Variants in PCARE observed in about 807,000 individuals in gnomAD.
The protein encoded by PCARE is uncharacterized protein C2orf71.
In PCARE, 72 loss-of-function variants were observed where a neutral mutation model predicts 82.2. The observed-to-expected ratio is 0.88, with a 90% CI of 0.72 to 1.07. The LOEUF is 1.07. Among genes scored for constraint, PCARE ranks in the 50% least tolerant of loss-of-function variants. PCARE has a pLI of 0.00. For synonymous variants in PCARE, 705 were observed against 634.8 expected (o/e 1.11, Z -1.66); for missense variants, 1,768 against 1,592.4 (o/e 1.11, Z -1.88).
In PCARE at chr2:29,071,856, T is replaced by C. The variant is rs375771666; in HGVS notation, c.2406A>G (p.Ala802=). The C allele has an allele frequency of 3.9e-4, 629 of 1,614,222 alleles. 5 individuals are homozygous for C. In the South Asian group the frequency reaches 6.6e-3, roughly 17 times the overall value. The change falls in exon 1 of 2, where the codon GCA becomes GCG. Residue 802 remains alanine, a synonymous_variant. Transcript: ENST00000331664. ...CTTTAGGCAGAGGGGGAAAGATAGG[T>C]GCTAAGGGCTTCCAGCCTATGCCCA... ...LKMGIGWKPL[A]PIFPPLPKAE... is the part of the protein sequence containing the mutation.
rs1667506714 is a variant in PCARE, at chr2:29,072,381, A to G, written c.1881T>C (p.Tyr627=). 6.2e-7 allele frequency: 1 copy of G among 1,614,030 alleles called. No homozygotes were observed. The highest frequency in any genetic ancestry group is 1.3e-5 in the African/African-American group (1 of 74,928). Residue 627 remains tyrosine (Y), a synonymous_variant, in exon 1 of 2, where the codon TAT becomes TAC. Coordinates refer to ENST00000331664, the MANE Select transcript of PCARE (RefSeq NM_001029883.3). ...RDLSQKLEAF[Y]ALGAKGQGQS... ...GCCCCTGCCCTTTGGCACCCAGGGC[A>G]TAAAATGCCTCCAGCTTCTGACTGA...
Position 29,073,731 on chromosome 2 carries a change from C to CG in PCARE, c.530dup (p.Glu178GlyfsTer22). On this transcript the variant is annotated frameshift_variant, in exon 1 of 2. Transcript: ENST00000331664. LOFTEE classifies it high-confidence loss of function. ...GCTGGTGGGCCTTTACCAGAGGCTC[C>CG]GGGAAGTCCACTTTGCCTTCAGGCT... 6.2e-7 allele frequency: 1 copy of CG among 1,614,144 alleles called. No homozygotes were observed. Among genetic ancestry groups the CG allele is most frequent in the Non-Finnish European group, 8.5e-7 (1 of 1,180,034 alleles).
In PCARE at chr2:29,071,616, C is replaced by A; in HGVS notation, c.2646G>T (p.Leu882=). The A allele has an allele frequency of 2.5e-6, 4 of 1,613,436 alleles. No individual in the cohort carries two copies. The highest frequency in any genetic ancestry group is 1.3e-5 in the African/African-American group (1 of 75,054). ...AGTCCAGGGGGCTCACAGAGGCCCT[C>A]AGCTTTGGGGAAGCCCATGTTCTCC... ...PTRRTWASPK[L]RASVSPLDLL... Residue 882 remains leucine, a synonymous_variant, in exon 1 of 2, where the codon CTG becomes CTT. Coordinates refer to ENST00000331664, the MANE Select transcript of PCARE (RefSeq NM_001029883.3).
At position 29,070,649 on chromosome 2, in the gene PCARE, G is replaced by A. The variant is rs758885470; in HGVS notation, c.3613C>T (p.Pro1205Ser). 9 of 1,613,984 alleles carry A rather than the reference G, an allele frequency of 5.6e-6. No homozygotes were observed. The highest frequency in any genetic ancestry group is 2.2e-5 in the South Asian group (2 of 91,092). Reference sequence around the variant, plus strand: ...GTGCTGGTGGGGTCCAAGGTGGGAGGCTGCGGTCGGCCACCTGGCTGGCGG... The same window carrying A: ...GTGCTGGTGGGGTCCAAGGTGGGAGACTGCGGTCGGCCACCTGGCTGGCGG... Reference protein sequence around the residue: ...SDRQPGGRPQPPTLDPTSTSY... With the variant: ...SDRQPGGRPQSPTLDPTSTSY... The change falls in exon 1 of 2, where the codon CCT (proline) becomes TCT (serine). Residue 1205 changes from proline to serine, a missense_variant. Physicochemically the swap from Pro to Ser is moderately conservative, Grantham distance 74 (BLOSUM62 -1). Coordinates refer to ENST00000331664, the MANE Select transcript of PCARE (RefSeq NM_001029883.3).
Position 29,063,639 on chromosome 2 carries a change from A to G in PCARE, c.*1230T>C, listed in dbSNP as rs984645398. ...CTTTGCTGTACCCCAGTGGGTAAGA[A>G]TTCTTGTCTTTTGCCAACCCATTGA... On this transcript the variant is annotated 3_prime_UTR_variant, in exon 2 of 2. Coordinates refer to ENST00000331664, the MANE Select transcript of PCARE (RefSeq NM_001029883.3). The G allele has an allele frequency of 3.9e-5, 6 of 152,638 alleles. No individual in the cohort carries two copies. In the South Asian group the frequency reaches 1.2e-3, roughly 32 times the overall value. The allele number at this position is 152,638 out of a possible 1,614,324, so 9.5% of individuals were successfully genotyped here. A position where few individuals can be genotyped will look rare whatever the true frequency, so the allele number is the denominator to read the frequency against.
chr2:29,065,038 G>T lies in PCARE; in HGVS notation c.3698C>A (p.Thr1233Lys). 6.4e-7 allele frequency: 1 copy of T among 1,551,552 alleles called. No homozygotes were observed. The highest frequency in any genetic ancestry group is 8.7e-7 in the Non-Finnish European group (1 of 1,147,938). Residue 1233 changes from threonine to lysine, a missense_variant, in exon 2 of 2, where the codon ACA becomes AAA. Transcript: ENST00000331664. ...SSSEESPKKDTEPGSSPCSPE... is the reference protein window; with the variant it reads ...SSSEESPKKDKEPGSSPCSPE... ...GGAACAGGGGCTGCTCCCCGGCTCT[G>T]TGTCCTTCTTAGGGCTCTCCTCGCT...
chr2:29,072,514 C>T lies in PCARE; in HGVS notation c.1748G>A (p.Gly583Asp), dbSNP rs1667509483. The T allele has an allele frequency of 6.2e-7, 1 of 1,614,208 alleles. No homozygotes were observed. The highest frequency in any genetic ancestry group is 1.1e-5 in the South Asian group (1 of 91,082). ...CTGCCTCTCAGGGGCCCTCCTGCTG[C>T]CACTTACCGTGCTAGGTCTTGGGGG... ...VVPPRPSTVS[G>D]SRRAPERQTR... The change falls in exon 1 of 2, where the codon GGC (glycine) becomes GAC (aspartate). Residue 583 changes from glycine (G) to aspartate (D), a missense_variant. Gly to Asp is a moderately conservative substitution (Grantham distance 94, BLOSUM62 -1). Coordinates refer to ENST00000331664, the MANE Select transcript of PCARE (RefSeq NM_001029883.3).
rs564406283 is a variant in PCARE at position 29,065,072 on chromosome 2, C to CT, written c.3669-6_3669-5insA. 480 of 1,381,792 alleles carry CT rather than the reference C, an allele frequency of 3.5e-4. 5 individuals carry two copies. In the Middle Eastern group the frequency reaches 3.7e-3, roughly 11 times the overall value. 85.6% of individuals were successfully genotyped at this position (1,381,792 alleles called of 1,614,324 possible). A position where few individuals can be genotyped will look rare whatever the true frequency, so the allele number is the denominator to read the frequency against. On this transcript the variant is annotated splice_polypyrimidine_tract_variant and splice_region_variant and intron_variant, in intron 1 of 1. Coordinates refer to ENST00000331664, the MANE Select transcript of PCARE (RefSeq NM_001029883.3). ...TTAGGGCTCTCCTCGCTGCTGCTGC[C>CT]GAGAGAAAGGACAAGTGCAGGTCAG...
At position 29,073,709 on chromosome 2, in the gene PCARE, G is replaced by C. The variant is rs771358203; in HGVS notation, c.553C>G (p.Gln185Glu). ...DFPEPLVKAH[Q>E]QAYTYLHSSL... Reference sequence around the variant, plus strand: ...GAGTGTAGATAGGTGTAAGCCTGCTGGTGGGCCTTTACCAGAGGCTCCGGG... The same window carrying C: ...GAGTGTAGATAGGTGTAAGCCTGCTCGTGGGCCTTTACCAGAGGCTCCGGG... The change falls in exon 1 of 2, where the codon CAG (glutamine) becomes GAG (glutamate). Residue 185 changes from glutamine (Q) to glutamate (E), a missense_variant. By Grantham distance (29) the Gln-to-Glu change is conservative (BLOSUM62 2). Transcript: ENST00000331664. The C allele has an allele frequency of 1.4e-5, 23 of 1,613,604 alleles. No homozygotes were observed. In the South Asian group the frequency reaches 2.5e-4, roughly 18 times the overall value.
At position 29,071,131 on chromosome 2, in the gene PCARE, G is replaced by A. The variant is rs763706952; in HGVS notation, c.3131C>T (p.Thr1044Ile). 2 of 1,586,366 alleles carry A rather than the reference G, an allele frequency of 1.3e-6. No homozygotes were observed. The highest frequency in any genetic ancestry group is 1.2e-5 in the South Asian group (1 of 85,242). The stretch of plus-strand genomic sequence containing the variant: ...GTGCGGTGGGGAAGTTCGCCGCTTT[G>A]TGGTGGGTGGGCTTAGCACCCTGGG... ...VSPRVLSPPT[T>I]KRRTSPPHQP... The change falls in exon 1 of 2, where the codon ACA (threonine) becomes ATA (isoleucine). Residue 1044 changes from threonine to isoleucine, a missense_variant. Transcript: ENST00000331664.
In PCARE at chr2:29,072,811, C is replaced by T. The variant is rs1261747712; in HGVS notation, c.1451G>A (p.Ser484Asn). Residue 484 changes from serine (S) to asparagine (N), a missense_variant, in exon 1 of 2, where the codon AGC (serine) becomes AAC (asparagine). By Grantham distance (46) the Ser-to-Asn change is conservative. Coordinates refer to ENST00000331664, the MANE Select transcript of PCARE (RefSeq NM_001029883.3). ...RPMDASSLSD[S>N]EDSSPEEEEE... is the part of the protein sequence containing the mutation. ...CTCCTCCTCTGGGCTGCTGTCCTCGCTGTCACTAAGAGATGAAGCGTCCAT... is the reference window on the plus strand; with the variant it reads ...CTCCTCCTCTGGGCTGCTGTCCTCGTTGTCACTAAGAGATGAAGCGTCCAT... The T allele has an allele frequency of 3.1e-6, 5 of 1,614,208 alleles. No individual in the cohort carries two copies. Among genetic ancestry groups the T allele is most frequent in the South Asian group, 2.2e-5 (2 of 91,072 alleles).
In PCARE at chr2:29,072,535, G is replaced by A. The variant is rs1382316899; in HGVS notation, c.1727C>T (p.Pro576Leu). The A allele has an allele frequency of 6.2e-7, 1 of 1,614,062 alleles. No individual in the cohort carries two copies. The highest frequency in any genetic ancestry group is 1.1e-5 in the South Asian group (1 of 91,064). The change falls in exon 1 of 2, where the codon CCA becomes CTA. Residue 576 changes from proline to leucine, a missense_variant. Physicochemically the swap from Pro to Leu is moderately conservative, Grantham distance 98. Transcript: ENST00000331664. The part of the protein sequence containing the change: ...EEEEGRTVVP[P>L]RPSTVSGSRR... ...GCTGCCACTTACCGTGCTAGGTCTT[G>A]GGGGGACCACTGTCCTCCCCTCCTC...
Position 29,073,272 on chromosome 2 carries a change from GCT to G in PCARE, c.988_989del (p.Ser330ProfsTer18). Reference protein sequence around the residue: ...RLLRALRQLESLASGCGDPGV... With the variant: ...RLLRALRQLEXLASGCGDPGV... ...CAGGGTCGCCACAGCCACTCGCCAGGCTCTCTAGCTGCCTCAGAGCCCTCAGG... is the reference window on the plus strand; with the variant it reads ...CAGGGTCGCCACAGCCACTCGCCAGGCTCTAGCTGCCTCAGAGCCCTCAGG... On this transcript the variant is annotated frameshift_variant, in exon 1 of 2. Transcript: ENST00000331664. LOFTEE classifies it high-confidence loss of function. 1 of 1,614,084 alleles carries G rather than the reference GCT, an allele frequency of 6.2e-7. No individual in the cohort carries two copies.
intron 1 of PCARE, among the ~76,000 whole-genome samples, chr2:29,067,095 A>C (rs1189036030): frequency 2.0e-5 from 3 of 152,226 alleles, no homozygotes; most frequent in Non-Finnish European, 4.4e-5. Context: ...AGTGACTGGA[A>C]GGGCAGGCTG....
chr2:29,071,300 G>A lies in PCARE; in HGVS notation c.2962C>T (p.Pro988Ser), dbSNP rs1667476454. Residue 988 changes from proline (P) to serine (S), a missense_variant, in exon 1 of 2, where the codon CCC becomes TCC. Transcript: ENST00000331664. ...GGAGAGGCCTTTCTGCCCACAGGGG[G>A]GCTTCTCTCTCGGCTCTGCCTTGGT... ...ARPRQSRERS[P>S]PVGRKASPTR... 5 of 1,613,364 alleles carry A rather than the reference G, an allele frequency of 3.1e-6. No homozygotes were observed. The highest frequency in any genetic ancestry group is 1.7e-5 in the Admixed American group (1 of 60,006).
intron 1 of PCARE, among the ~76,000 whole-genome samples, chr2:29,069,091 A>G (rs959011781): frequency 7.2e-5 from 11 of 152,370 alleles, no homozygotes; most frequent in African/African-American, 2.6e-4. Flanking sequence ...TGAGATCCCA[A>G]CAGGTTGACA....
At position 29,072,210 on chromosome 2, in the gene PCARE, G is replaced by A. The variant is rs1401889754; in HGVS notation, c.2052C>T (p.Ile684=). 1.9e-6 allele frequency: 3 copies of A among 1,614,258 alleles called. No homozygotes were observed. In the Middle Eastern group the frequency reaches 4.9e-4, roughly 266 times the overall value. Residue 684 remains isoleucine, a synonymous_variant, in exon 1 of 2, where the codon ATC becomes ATT. Coordinates refer to ENST00000331664, the MANE Select transcript of PCARE (RefSeq NM_001029883.3). ...CAGGATGGGGATTGCATTTCTGCAA[G>A]ATGCTCTTGTCCTGACTAGGCAAAA... ...FSILPSQDKS[I]LQKCNPHPED...
Position 29,073,920 on chromosome 2 carries a change from A to G in PCARE, c.342T>C (p.Ile114=). The G allele has an allele frequency of 6.2e-7, 1 of 1,614,198 alleles. No individual in the cohort carries two copies. The highest frequency in any genetic ancestry group is 8.5e-7 in the Non-Finnish European group (1 of 1,180,030). ...NKSQSHMAKD[I]PFKTQGSHGS... is the part of the protein sequence containing the mutation. ...CATGGGAACCCTGTGTCTTGAACGG[A>G]ATATCCTTAGCCATGTGGCTTTGTG... The change falls in exon 1 of 2, where the codon ATT becomes ATC. Residue 114 remains isoleucine, a synonymous_variant. Transcript: ENST00000331664.
Position 29,073,178 on chromosome 2 carries a change from C to T in PCARE, c.1084G>A (p.Val362Met), listed in dbSNP as rs1452399636. 1 of 1,614,188 alleles carries T rather than the reference C, an allele frequency of 6.2e-7. No individual in the cohort carries two copies. Among genetic ancestry groups the T allele is most frequent in the Admixed American group, 1.7e-5 (1 of 60,030 alleles). ...IGADNESVQS[V>M]DKLGKQTSWD... Reference sequence around the variant, plus strand: ...CTGGTTTGCTTGCCCAGCTTGTCCACCGACTGCACGGACTCATTGTCAGCA... The same window carrying T: ...CTGGTTTGCTTGCCCAGCTTGTCCATCGACTGCACGGACTCATTGTCAGCA... The change falls in exon 1 of 2, where the codon GTG becomes ATG. Residue 362 changes from valine (V) to methionine (M), a missense_variant. Coordinates refer to ENST00000331664, the MANE Select transcript of PCARE (RefSeq NM_001029883.3).
Sources: gnomAD v4.1 joint callset for allele counts (sites outside exome capture counted in the v4.1 genomes callset) on GRCh38, gnomAD v4.1.1 for gene constraint, MANE v1.5 for transcripts, NCBI Gene and HGNC (gene_info 2026-07-23, HGNC 2026-07-21) for gene names.